The following SAMHD1 variants were observed in gnomAD, a reference collection of about 807,000 sequenced individuals.
The protein encoded by SAMHD1 is deoxynucleoside triphosphate triphosphohydrolase SAMHD1.
A neutral mutation model predicts 79.6 loss-of-function variants in SAMHD1; 54 were observed. The ratio of observed to expected loss-of-function variants is 0.68; its 90% CI spans 0.55 to 0.85. The LOEUF is 0.85. Among genes scored for constraint, SAMHD1 ranks in the 40% least tolerant of loss-of-function variants. The pLI, the probability that SAMHD1 is intolerant of heterozygous loss-of-function variation, is 0.00. For synonymous variants in SAMHD1, 260 were observed against 264.1 expected, an observed-to-expected ratio of 0.98 and a Z score of 0.15; for missense variants, 663 against 782.7, an observed-to-expected ratio of 0.85 and a Z score of 1.82.
At chr20:36,946,199 T>C (rs1024115907) in intron 2 of SAMHD1, among the ~76,000 whole-genome samples, 1 of 151,262 alleles carries the variant, frequency 6.6e-6, no homozygotes, top group Non-Finnish European at 1.5e-5. Flanking sequence ...GATCACGAGG[T>C]CAGGAGATTG....
chr20:36,939,985 A>G (rs970564667), intron 3 of SAMHD1, among the ~76,000 whole-genome samples: 7 of 152,158 alleles, frequency 4.6e-5, no homozygotes, highest in African/African-American at 1.7e-4. Context: ...TGGGTGGATC[A>G]CTTGAGGTCA....
chr20:36,937,140 C>CA lies in SAMHD1; in HGVS notation c.349-1952dup, dbSNP rs11286688. On this transcript the variant is annotated intron_variant, in intron 3 of 15. Transcript: ENST00000646673. The stretch of plus-strand genomic sequence containing the variant: ...TGGGCAACAGAGTGAGACTCTATCT[C>CA]AAAAAAAAAAAAAAAAAAGATTCAT... Among the ~76,000 whole-genome samples the CA allele has an allele frequency of 1.6e-3, 188 of 117,588 alleles. 1 individual carries two copies. Among genetic ancestry groups the CA allele is most frequent in the South Asian group, 7.3e-3 (25 of 3,406 alleles). 77.1% of individuals were successfully genotyped at this position (117,588 alleles called of 152,430 possible).
At chr20:36,941,787 A>C (rs2146145204) in intron 2 of SAMHD1, among the ~76,000 whole-genome samples, 1 of 152,280 alleles carries the variant, frequency 6.6e-6, no homozygotes, top group East Asian at 1.9e-4. Context: ...ATAGACTGGG[A>C]GTCAGAGGCA....
intron 7 of SAMHD1, 132 bp from the exon 8 acceptor site, chr20:36,917,181 G>T: frequency 1.5e-6 from 1 of 677,986 alleles, no homozygotes; most frequent in East Asian, 2.7e-5. Context: ...AAACTAGAAG[G>T]TTCTATTCTT....
chr20:36,935,549 A>G, intron 3 of SAMHD1: 1 of 307,862 alleles, frequency 3.2e-6, no homozygotes, highest in Non-Finnish European at 6.2e-6. Context: ...TGTAACCCAT[A>G]TCACTATAGG....
At chr20:36,935,723 A>G (rs1028972055) in intron 3 of SAMHD1, among the ~76,000 whole-genome samples, 2 of 152,076 alleles carry the variant, frequency 1.3e-5, no homozygotes, top group Non-Finnish European at 2.9e-5. Flanking sequence ...GGGGTGTGCC[A>G]CTATGCCCAG....
chr20:36,929,186 C>T (rs1568775865), intron 5 of SAMHD1, among the ~76,000 whole-genome samples: 1 of 152,116 alleles, frequency 6.6e-6, no homozygotes, highest in Non-Finnish European at 1.5e-5. Context: ...CTCCTGGGGA[C>T]TGGCAAAGGT....
intron 3 of SAMHD1, chr20:36,940,673 T>TTAAAA: frequency 6.3e-6 from 2 of 315,372 alleles, no homozygotes; most frequent in South Asian, 2.8e-5. Context: ...TACTCCAGCC[T>TTAAAA]AGATGACAGA....
chr20:36,905,340 A>G, intron 12 of SAMHD1, 24 bp downstream of exon 12: 2 of 1,613,678 alleles, frequency 1.2e-6, no homozygotes, highest in African/African-American at 1.3e-5. Flanking sequence ...CCTTTCACTA[A>G]TGGAAAGATG....
intron 2 of SAMHD1, among the ~76,000 whole-genome samples, chr20:36,942,697 A>G (rs986121298): frequency 1.3e-5 from 2 of 151,632 alleles, no homozygotes; most frequent in Non-Finnish European, 2.9e-5. Flanking sequence ...CCCAGGCTGG[A>G]GTGCAGTGAC....
In SAMHD1 at chr20:36,916,752, G is replaced by T. The variant is rs2063478462; in HGVS notation, c.1032C>A (p.Asp344Glu). Residue 344 changes from aspartate to glutamate, a missense_variant, in exon 9 of 16, where the codon GAC becomes GAA. Coordinates refer to ENST00000646673, the MANE Select transcript of SAMHD1 (RefSeq NM_015474.4). ...FIKFARVCEVDNELRICARDK... is the reference protein window; with the variant it reads ...FIKFARVCEVENELRICARDK... ...CTCTAGCACAAATACGCAACTCATT[G>T]TCTACTTCACAGACACGGGCAAACT... is the stretch of plus-strand genomic sequence containing the variant. The T allele has an allele frequency of 6.2e-7, 1 of 1,613,738 alleles. No individual in the cohort carries two copies. Among genetic ancestry groups the T allele is most frequent in the African/African-American group, 1.3e-5 (1 of 75,006 alleles).
intron 6 of SAMHD1, among the ~76,000 whole-genome samples, chr20:36,924,323 AGAAAGGAAG>A (rs1977231047): frequency 6.6e-6 from 1 of 151,398 alleles, no homozygotes; most frequent in Admixed American, 6.6e-5. Flanking sequence ...AGGAAGGGAA[AGAAAGGAAG>A]GAAAGGAAGG....
intron 3 of SAMHD1, among the ~76,000 whole-genome samples, chr20:36,937,056 G>A (rs755204196): frequency 2.0e-5 from 3 of 151,170 alleles, no homozygotes; most frequent in Non-Finnish European, 2.9e-5. Flanking sequence ...CAGGAGAATC[G>A]CTTGAACCCA....
intron 3 of SAMHD1, among the ~76,000 whole-genome samples, chr20:36,938,233 T>C (rs2063617196): frequency 6.6e-6 from 1 of 152,132 alleles, no homozygotes. Context: ...CTGACTGCCT[T>C]AAATATTACC....
At chr20:36,905,086 C>T (rs192921106) in intron 12 of SAMHD1, 57 of 415,040 alleles carry the variant, frequency 1.4e-4, no homozygotes, top group African/African-American at 1.1e-3. Context: ...TGGAGACCCA[C>T]TCTCACTTCC....
chr20:36,938,099 C>T (rs543941546), intron 3 of SAMHD1, among the ~76,000 whole-genome samples: 73 of 152,040 alleles, frequency 4.8e-4, no homozygotes, highest in Non-Finnish European at 6.5e-4. Context: ...AACTTAAGGG[C>T]TCAAGTGATC....
intron 15 of SAMHD1, 105 bp from the exon 16 acceptor site, chr20:36,893,171 A>G (rs1990122641): frequency 7.0e-7 from 1 of 1,425,216 alleles, no homozygotes; most frequent in Non-Finnish European, 9.7e-7. Flanking sequence ...TTGCATATAG[A>G]TTGCTTCTAG....
intron 11 of SAMHD1, 70 bp from the exon 12 acceptor site, chr20:36,905,573 T>C (rs1179931916): frequency 2.3e-6 from 3 of 1,307,012 alleles, no homozygotes; most frequent in Middle Eastern, 2.5e-4. Flanking sequence ...ATAGTGCTAT[T>C]CTATTGAAAT....
chr20:36,934,438 G>A (rs2063587430), intron 4 of SAMHD1, among the ~76,000 whole-genome samples: 2 of 131,450 alleles, frequency 1.5e-5, no homozygotes, highest in South Asian at 5.1e-4. Flanking sequence ...GTACAGAACT[G>A]CTTGAACCTG....
Sources: gnomAD v4.1 joint callset for allele counts (sites outside exome capture counted in the v4.1 genomes callset) on GRCh38, gnomAD v4.1.1 for gene constraint, MANE v1.5 for transcripts, NCBI Gene and HGNC (gene_info 2026-07-23, HGNC 2026-07-21) for gene names.